METTL15: variants seen among roughly 807,000 people sequenced by gnomAD.
The protein encoded by METTL15 is methyltransferase 15, mitochondrial 12S rRNA N4-cytidine, also known as 12S rRNA N(4)-cytidine methyltransferase METTL15.
A neutral mutation model predicts 38.3 loss-of-function variants in METTL15; 34 were observed. The ratio of observed to expected loss-of-function variants is 0.89; its 90% CI spans 0.68 to 1.18. The LOEUF (loss-of-function observed/expected upper bound fraction) is 1.18. Among genes scored for constraint, METTL15 ranks in the 50% most tolerant of loss-of-function variants. The pLI is 0.00. For synonymous variants in METTL15, 162 were observed against 170.9 expected (o/e 0.95, Z 0.41); for missense variants, 438 against 498.4 (o/e 0.88, Z 1.15).
At chr11:28,229,992 T>A (rs1040970129) in intron 4 of METTL15, among the ~76,000 whole-genome samples, 2 of 151,996 alleles carry the variant, frequency 1.3e-5, no homozygotes, top group African/African-American at 4.8e-5. Flanking sequence ...TCTATATTCA[T>A]ATGCTGCTGG....
chr11:28,196,064 C>A (rs1330340639), intron 3 of METTL15, among the ~76,000 whole-genome samples: 1 of 152,000 alleles, frequency 6.6e-6, no homozygotes, highest in Non-Finnish European at 1.5e-5. Flanking sequence ...GTCTGTGTTT[C>A]TACTTTTACA....
chr11:28,267,964 G>A (rs1183471495), intron 4 of METTL15, among the ~76,000 whole-genome samples: 5 of 151,948 alleles, frequency 3.3e-5, no homozygotes, highest in African/African-American at 1.2e-4. Flanking sequence ...TTGGGAGGCC[G>A]AGGCGGGTGG....
At chr11:28,523,665 C>T (rs895233856) in intron 6 of METTL15, among the ~76,000 whole-genome samples, 2 of 152,124 alleles carry the variant, frequency 1.3e-5, no homozygotes, top group East Asian at 1.9e-4. Context: ...CTACATATAA[C>T]AAACATTTAA....
chr11:28,486,392 CT>C (rs981071279), intron 6 of METTL15, among the ~76,000 whole-genome samples: 56 of 145,918 alleles, frequency 3.8e-4, no homozygotes, highest in East Asian at 1.6e-3. Context: ...GTGTTTTTTC[CT>C]TTTTTTTTTT....
chr11:28,405,466 C>T (rs1040043150), intron 5 of METTL15, among the ~76,000 whole-genome samples: 1 of 152,086 alleles, frequency 6.6e-6, no homozygotes, highest in Non-Finnish European at 1.5e-5. Context: ...TAATTTTGCT[C>T]AATCCTCTGT....
chr11:28,375,645 G>A (rs189136600), intron 5 of METTL15, among the ~76,000 whole-genome samples: 1 of 151,940 alleles, frequency 6.6e-6, no homozygotes, highest in Non-Finnish European at 1.5e-5. Context: ...TTTTTGAAGG[G>A]TTTTTTGTGT....
intron 5 of METTL15, among the ~76,000 whole-genome samples, chr11:28,364,362 A>G (rs1376761798): frequency 6.6e-6 from 1 of 152,104 alleles, no homozygotes; most frequent in East Asian, 1.9e-4. Context: ...TTCTTTCAGC[A>G]GTGTTTTGTA....
At chr11:28,392,730 A>G (rs1428928048) in intron 5 of METTL15, among the ~76,000 whole-genome samples, 1 of 152,144 alleles carries the variant, frequency 6.6e-6, no homozygotes, top group East Asian at 1.9e-4. Flanking sequence ...ATGTAATGGA[A>G]GAAAATATTT....
At chr11:28,119,872 T>TGAG (rs1852137769) in intron 3 of METTL15, among the ~76,000 whole-genome samples, 1 of 152,202 alleles carries the variant, frequency 6.6e-6, no homozygotes, top group Non-Finnish European at 1.5e-5. Context: ...TGACGGGAGT[T>TGAG]TATTTTGTTT....
intron 6 of METTL15, among the ~76,000 whole-genome samples, chr11:28,511,996 A>G (rs1851678352): frequency 6.6e-6 from 1 of 152,058 alleles, no homozygotes; most frequent in Admixed American, 6.6e-5. Context: ...CCACGTCCCC[A>G]CTAGATTAGC....
intron 5 of METTL15, among the ~76,000 whole-genome samples, chr11:28,394,193 C>A (rs1481553666): frequency 6.6e-6 from 1 of 151,994 alleles, no homozygotes; most frequent in Non-Finnish European, 1.5e-5. Context: ...AAGGAAGGAA[C>A]AATCTTGAGC....
intron 6 of METTL15, among the ~76,000 whole-genome samples, chr11:28,515,826 A>G (rs1359420724): frequency 6.6e-6 from 1 of 152,204 alleles, no homozygotes; most frequent in Non-Finnish European, 1.5e-5. Flanking sequence ...CCCTATTTCC[A>G]TTTCATTAAT....
chr11:28,390,800 A>G (rs1318516633), intron 5 of METTL15, among the ~76,000 whole-genome samples: 2 of 152,146 alleles, frequency 1.3e-5, no homozygotes, highest in Non-Finnish European at 2.9e-5. Flanking sequence ...ATGGCATTGA[A>G]TCTATAAATT....
intron 4 of METTL15, among the ~76,000 whole-genome samples, chr11:28,219,718 A>G (rs1360135585): frequency 1.3e-5 from 2 of 151,470 alleles, no homozygotes; most frequent in Non-Finnish European, 2.9e-5. Flanking sequence ...ATTTCCCTCT[A>G]CACACTGCTT....
intron 3 of METTL15, chr11:28,123,984 C>A (rs1852362107): frequency 2.3e-6 from 2 of 864,008 alleles, no homozygotes; most frequent in Admixed American, 4.0e-5. Flanking sequence ...TAAGATTTTA[C>A]TGTTTATGAA....
intron 6 of METTL15, among the ~76,000 whole-genome samples, chr11:28,494,744 A>T (rs1032228311): frequency 6.6e-6 from 1 of 152,134 alleles, no homozygotes; most frequent in African/African-American, 2.4e-5. Flanking sequence ...GTTTTATAAA[A>T]GTCAGTTCCG....
intron 4 of METTL15, among the ~76,000 whole-genome samples, chr11:28,227,647 T>G (rs1853535770): frequency 6.6e-6 from 1 of 151,812 alleles, no homozygotes; most frequent in African/African-American, 2.4e-5. Flanking sequence ...TACAGGAACT[T>G]GTTAGGGATT....
chr11:28,114,988 A>G (rs1220852059), intron 3 of METTL15, among the ~76,000 whole-genome samples: 1 of 152,192 alleles, frequency 6.6e-6, no homozygotes, highest in Non-Finnish European at 1.5e-5. Context: ...CCTTTCAGGA[A>G]TGGCTGGAGA....
intron 5 of METTL15, among the ~76,000 whole-genome samples, chr11:28,394,035 C>A (rs1313217021): frequency 1.3e-5 from 2 of 152,010 alleles, no homozygotes; most frequent in Non-Finnish European, 2.9e-5. Context: ...GCTATAATTA[C>A]CTTTTTATGT....
Sources: gnomAD v4.1 joint callset for allele counts (sites outside exome capture counted in the v4.1 genomes callset) on GRCh38, gnomAD v4.1.1 for gene constraint, MANE v1.5 for transcripts, NCBI Gene and HGNC (gene_info 2026-07-23, HGNC 2026-07-21) for gene names.